Variants in ATP6V1B1 observed in about 807,000 individuals in gnomAD.
ATP6V1B1 encodes V-type proton ATPase subunit B, kidney isoform.
ATP6V1B1 carries 41 observed loss-of-function variants against 62.1 expected under a neutral mutation model. That is an observed-to-expected ratio of 0.66 (90% CI 0.51 to 0.86). The LOEUF (loss-of-function observed/expected upper bound fraction) is 0.86. Ranked by LOEUF, ATP6V1B1 falls within the 40% of genes least tolerant of loss-of-function variation. The pLI, the probability that ATP6V1B1 is intolerant of heterozygous loss-of-function variation, is 0.00. For missense variants in ATP6V1B1, 651 were observed against 697.5 expected (o/e 0.93, Z 0.75); for synonymous variants, 253 against 273.4 (o/e 0.93, Z 0.74).
At position 70,960,951 on chromosome 2, in the gene ATP6V1B1, C is replaced by G; in HGVS notation, c.616C>G (p.Leu206Val). 1 of 1,609,746 alleles carries G rather than the reference C, an allele frequency of 6.2e-7. No homozygotes were observed. The highest frequency in any genetic ancestry group is 8.5e-7 in the Non-Finnish European group (1 of 1,178,038). ...CGCTCAGATCTGCCGCCAGGCGGGG[C>G]TGGTGAAGAAGTCCAAGGCTGTGCT... is the stretch of plus-strand genomic sequence containing the variant. ...IAAQICRQAG[L>V]VKKSKAVLDY... is the part of the protein sequence containing the mutation. Residue 206 changes from leucine (L) to valine (V), a missense_variant, in exon 7 of 14, where the codon CTG becomes GTG. Physicochemically the swap from Leu to Val is conservative, Grantham distance 32. Coordinates refer to ENST00000234396, the MANE Select transcript of ATP6V1B1 (RefSeq NM_001692.4).
At chr2:70,954,833 C>T (rs992524321) in intron 2 of ATP6V1B1, among the ~76,000 whole-genome samples, 6 of 144,250 alleles carry the variant, frequency 4.2e-5, no homozygotes, top group African/African-American at 1.5e-4. Flanking sequence ...GGTAAATCAG[C>T]GACCTGGGAA....
Position 70,959,543 on chromosome 2 carries a change from A to G in ATP6V1B1, c.446-396A>G, listed in dbSNP as rs1429935964. Among the ~76,000 whole-genome samples the G allele has an allele frequency of 6.6e-6, 1 of 152,208 alleles. No homozygotes were observed. The highest frequency in any genetic ancestry group is 1.9e-4 in the East Asian group (1 of 5,188). The stretch of plus-strand genomic sequence containing the variant: ...CAGAAGACTCATCTGCTCAGACAGG[A>G]GGCTGAGTCACCCGCAGGCCCTCTG... On this transcript the variant is annotated intron_variant, in intron 5 of 13. Coordinates refer to ENST00000234396, the MANE Select transcript of ATP6V1B1 (RefSeq NM_001692.4). This position sits in a 1 kb window ranked among gnomAD's most constrained non-coding sequence, Gnocchi z 4.2.
Position 70,936,086 on chromosome 2 carries a change from C to A in ATP6V1B1, c.118+14C>A. On this transcript the variant is annotated intron_variant, in intron 1 of 13. Transcript: ENST00000234396. Reference sequence around the variant, plus strand: ...ACCCCCGTGTCAGTGAGTAGCCCCTCCACCGTGACGGGTGAGGTCAGGGTG... The same window carrying A: ...ACCCCCGTGTCAGTGAGTAGCCCCTACACCGTGACGGGTGAGGTCAGGGTG... The A allele has an allele frequency of 1.2e-6, 2 of 1,612,954 alleles. No homozygotes were observed. Among genetic ancestry groups the A allele is most frequent in the Non-Finnish European group, 1.7e-6 (2 of 1,178,998 alleles).
intron 1 of ATP6V1B1, chr2:70,939,975 G>A (rs1553416152): frequency 6.6e-6 from 1 of 152,294 alleles, no homozygotes. Flanking sequence ...GATGTGCTAA[G>A]ATGTTGAGCT....
intron 2 of ATP6V1B1, 31 bp from the exon 3 acceptor site, chr2:70,958,015 C>T (rs1553419345): frequency 1.3e-6 from 2 of 1,599,790 alleles, no homozygotes; most frequent in Non-Finnish European, 1.7e-6. Context: ...TCCAGTCTCA[C>T]TGTCACGTGG....
chr2:70,961,915 C>T, intron 8 of ATP6V1B1: 2 of 593,848 alleles, frequency 3.4e-6, no homozygotes, highest in Non-Finnish European at 6.1e-6. Flanking sequence ...TGCCTGTGCC[C>T]TCTGCTCTTC....
intron 2 of ATP6V1B1, among the ~76,000 whole-genome samples, chr2:70,956,792 G>A (rs1401542924): frequency 6.6e-6 from 1 of 151,964 alleles, no homozygotes; most frequent in Non-Finnish European, 1.5e-5. Flanking sequence ...GTTTCACCAT[G>A]TTCCCCAGGC....
rs1342627117 is a variant in ATP6V1B1 at position 70,940,507 on chromosome 2, C to T, written c.119-3151C>T. On this transcript the variant is annotated intron_variant, in intron 1 of 13. Transcript: ENST00000234396. ...CCTGCATCCCTTTGCTTGCACAATC[C>T]ACTAGCAATCCAGACAATCTGATCC... 3.0e-6 allele frequency: 3 copies of T among 985,432 alleles called. No homozygotes were observed. The African/African-American group carries it at 5.2e-5, about 17-fold the overall frequency. The allele number at this position is 985,432 out of a possible 1,614,324, so 61.0% of individuals were successfully genotyped here.
intron 1 of ATP6V1B1, chr2:70,940,922 T>A: frequency 1.1e-6 from 1 of 944,304 alleles, no homozygotes; most frequent in Non-Finnish European, 1.3e-6. Context: ...TCTTTTTTTT[T>A]TTTTTTTTTG....
Position 70,959,422 on chromosome 2 carries a change from T to G in ATP6V1B1, c.445+327T>G, listed in dbSNP as rs2104826857. Among the ~76,000 whole-genome samples, 1 of 152,328 alleles carries G rather than the reference T, an allele frequency of 6.6e-6. No individual in the cohort carries two copies. The highest frequency in any genetic ancestry group is 2.1e-4 in the South Asian group (1 of 4,828). On this transcript the variant is annotated intron_variant, in intron 5 of 13. Transcript: ENST00000234396. The surrounding 1 kb of genome is among the most constrained non-coding windows in gnomAD (Gnocchi z 4.2). ...TTCAAGTGGGCACCTTCCCCAGGCC[T>G]CAAACCCTATCCCATCTGTTTACTG...
At chr2:70,952,064 C>A (rs1680334050) in intron 2 of ATP6V1B1, among the ~76,000 whole-genome samples, 1 of 152,018 alleles carries the variant, frequency 6.6e-6, no homozygotes, top group Non-Finnish European at 1.5e-5. Context: ...ATGAAAGTAA[C>A]GTTAGCATTT....
chr2:70,955,461 A>G (rs1165602289), intron 2 of ATP6V1B1, among the ~76,000 whole-genome samples: 2 of 152,198 alleles, frequency 1.3e-5, no homozygotes, highest in African/African-American at 4.8e-5. Context: ...AAGAAACCTC[A>G]TGCCCATTAG....
In ATP6V1B1 at chr2:70,962,884, C is replaced by T. The variant is rs782245054; in HGVS notation, c.893C>T (p.Ala298Val). The T allele has an allele frequency of 3.7e-6, 6 of 1,614,026 alleles. No homozygotes were observed. The highest frequency in any genetic ancestry group is 1.3e-5 in the African/African-American group (1 of 74,930). The change falls in exon 9 of 14, where the codon GCA becomes GTA. Residue 298 changes from alanine (A) to valine (V), a missense_variant. By Grantham distance (64) the Ala-to-Val change is moderately conservative (BLOSUM62 0). Transcript: ENST00000234396. Reference sequence around the variant, plus strand: ...ATACTGACGGACATGAGTTCCTATGCAGAGGCCTTGCGGGAGGTAAGCTGG... The same window carrying T: ...ATACTGACGGACATGAGTTCCTATGTAGAGGCCTTGCGGGAGGTAAGCTGG... ...LVILTDMSSY[A>V]EALREVSAAR...
At chr2:70,961,717 C>T (rs782020266) in intron 8 of ATP6V1B1, 24 bp downstream of exon 8, 2 of 1,610,126 alleles carry the variant, frequency 1.2e-6, no homozygotes, top group Non-Finnish European at 1.7e-6. Context: ...GATGCCCAAA[C>T]TGCCCTCAGG....
intron 2 of ATP6V1B1, among the ~76,000 whole-genome samples, chr2:70,949,158 G>T (rs78019402): frequency 6.6e-6 from 1 of 152,138 alleles, no homozygotes; most frequent in Non-Finnish European, 1.5e-5. Context: ...TGCTGAATAC[G>T]CTCAAACACA....
Position 70,965,369 on chromosome 2 carries a change from G to A in ATP6V1B1, c.*248G>A. The A allele has an allele frequency of 1.7e-6, 1 of 585,344 alleles. No individual in the cohort carries two copies. 36.3% of individuals were successfully genotyped at this position (585,344 alleles called of 1,614,324 possible). A position where few individuals can be genotyped will look rare whatever the true frequency, so the allele number is the denominator to read the frequency against. On this transcript the variant is annotated 3_prime_UTR_variant, in exon 14 of 14. Transcript: ENST00000234396. ...GTTGCGATGCCTTACTCTGACGGGAGCATCTGTATTTTTATGTTAAAAGCC... is the reference window on the plus strand; with the variant it reads ...GTTGCGATGCCTTACTCTGACGGGAACATCTGTATTTTTATGTTAAAAGCC...
intron 2 of ATP6V1B1, among the ~76,000 whole-genome samples, chr2:70,954,048 G>C (rs1414741775): frequency 5.3e-5 from 8 of 151,926 alleles, no homozygotes; most frequent in African/African-American, 1.9e-4. Flanking sequence ...CCAGCAATTT[G>C]TCTACTTTAT....
intron 1 of ATP6V1B1, chr2:70,939,330 A>C (rs1679930288): frequency 6.6e-6 from 1 of 152,418 alleles, no homozygotes; most frequent in Non-Finnish European, 1.5e-5. Flanking sequence ...GTGTCTGCAA[A>C]GTCTCTGGAA....
Position 70,960,095 on chromosome 2 carries a change from C to T in ATP6V1B1, c.585+17C>T. 2 of 1,613,958 alleles carry T rather than the reference C, an allele frequency of 1.2e-6. No homozygotes were observed. Among genetic ancestry groups the T allele is most frequent in the South Asian group, 2.2e-5 (2 of 91,084 alleles). On this transcript the variant is annotated intron_variant, in intron 6 of 13. Transcript: ENST00000234396. ...CACAATGAGGTGAGGCCTGCAGGGC[C>T]AGCAGGCATGGCTGGGGGAGGGACA...
Sources: gnomAD v4.1 joint callset for allele counts (sites outside exome capture counted in the v4.1 genomes callset) on GRCh38, gnomAD v4.1.1 for gene constraint, Gnocchi (gnomAD v3.1) non-coding constraint, MANE v1.5 for transcripts, NCBI Gene and HGNC (gene_info 2026-07-23, HGNC 2026-07-21) for gene names.